ITGB1BP1: variants seen among roughly 807,000 people sequenced by gnomAD.
ITGB1BP1 encodes the protein integrin beta-1-binding protein 1.
In ITGB1BP1, 20 loss-of-function variants were observed where a neutral mutation model predicts 28.0. The ratio of observed to expected loss-of-function variants is 0.71; its 90% confidence interval spans 0.50 to 1.04. The LOEUF (loss-of-function observed/expected upper bound fraction) is 1.04. ITGB1BP1 is among the 50% of genes least tolerant of loss of function. ITGB1BP1 has a pLI of 0.00. For synonymous variants in ITGB1BP1, 103 were observed against 89.5 expected, an observed-to-expected ratio of 1.15 and a Z score of -0.85; for missense variants, 228 against 242.5, an observed-to-expected ratio of 0.94 and a Z score of 0.40.
rs1463035072 is a variant in ITGB1BP1, at chr2:9,423,440, G to T, written c.-103C>A. On this transcript the variant is annotated 5_prime_UTR_variant, in exon 1 of 7. Transcript: ENST00000355346. The stretch of plus-strand genomic sequence containing the variant: ...CCGCGTGGGAGTGCCGCGGCCTTTG[G>T]CGCCCAGGCAGCTACTCCCGTTCCC... 8.7e-7 allele frequency: 1 copy of T among 1,151,304 alleles called. No individual in the cohort carries two copies. Among genetic ancestry groups the T allele is most frequent in the East Asian group, 7.5e-5 (1 of 13,288 alleles). 71.3% of individuals were successfully genotyped at this position (1,151,304 alleles called of 1,614,324 possible).
At chr2:9,420,860 G>A (rs1251931331) in intron 1 of ITGB1BP1, among the ~76,000 whole-genome samples, 1 of 152,234 alleles carries the variant, frequency 6.6e-6, no homozygotes, top group Non-Finnish European at 1.5e-5. Context: ...TTTAAACGAT[G>A]ACCCTGGCTG....
chr2:9,420,037 C>A (rs187315793), intron 1 of ITGB1BP1: 1 of 982,652 alleles, frequency 1.0e-6, no homozygotes, highest in East Asian at 1.1e-4. Flanking sequence ...CCACATACAG[C>A]GGTCTGCACA....
Position 9,404,377 on chromosome 2 carries a change from T to A in ITGB1BP1, c.*2457A>T, listed in dbSNP as rs1677012741. On this transcript the variant is annotated 3_prime_UTR_variant, in exon 7 of 7. Coordinates refer to ENST00000355346, the MANE Select transcript of ITGB1BP1 (RefSeq NM_004763.5). ...ATATCAGAAATATATAGGTCCCAGG[T>A]AATACTCCCAAACATCCCACTTTTT... 6.6e-6 allele frequency: 1 copy of A among 152,254 alleles called. No homozygotes were observed. The highest frequency in any genetic ancestry group is 1.5e-5 in the Non-Finnish European group (1 of 68,054). 9.4% of individuals were successfully genotyped at this position (152,254 alleles called of 1,614,324 possible).
chr2:9,411,102 G>A (rs777415565), intron 4 of ITGB1BP1, among the ~76,000 whole-genome samples: 6 of 152,116 alleles, frequency 3.9e-5, no homozygotes, highest in Non-Finnish European at 8.8e-5. Flanking sequence ...ATTGGCAAGG[G>A]TACAGATTTT....
Position 9,403,541 on chromosome 2 carries a change from G to T in ITGB1BP1, c.*3293C>A. The T allele has an allele frequency of 2.0e-6, 1 of 512,556 alleles. No individual in the cohort carries two copies. 31.8% of individuals were successfully genotyped at this position (512,556 alleles called of 1,614,324 possible). On this transcript the variant is annotated 3_prime_UTR_variant, in exon 7 of 7. Transcript: ENST00000355346. ...ATGAAACATTGCTATGCATTTATTAGGAAAAACTGAATTTCCCAACAGGTG... is the reference window on the plus strand; with the variant it reads ...ATGAAACATTGCTATGCATTTATTATGAAAAACTGAATTTCCCAACAGGTG...
rs965864926 is a variant in ITGB1BP1, at chr2:9,423,458, C to A, written c.-121G>T. On this transcript the variant is annotated 5_prime_UTR_variant, in exon 1 of 7. Coordinates refer to ENST00000355346, the MANE Select transcript of ITGB1BP1 (RefSeq NM_004763.5). ...GCCTTTGGCGCCCAGGCAGCTACTCCCGTTCCCGCTCCAGCGCCGGCTTTT... is the reference window on the plus strand; with the variant it reads ...GCCTTTGGCGCCCAGGCAGCTACTCACGTTCCCGCTCCAGCGCCGGCTTTT... 8.5e-7 allele frequency: 1 copy of A among 1,170,510 alleles called. No homozygotes were observed. The highest frequency in any genetic ancestry group is 5.0e-5 in the Admixed American group (1 of 19,884). 72.5% of individuals were successfully genotyped at this position (1,170,510 alleles called of 1,614,324 possible).
chr2:9,403,576 G>T lies in ITGB1BP1; in HGVS notation c.*3258C>A. On this transcript the variant is annotated 3_prime_UTR_variant, in exon 7 of 7. Transcript: ENST00000355346. ...AATTTCCCAACAGGTGAACTGAAAA[G>T]TTATTTTAACTATTATACATAATCA... 2.0e-6 allele frequency: 1 copy of T among 490,636 alleles called. No homozygotes were observed. Among genetic ancestry groups the T allele is most frequent in the South Asian group, 2.9e-5 (1 of 33,958 alleles). 30.4% of individuals were successfully genotyped at this position (490,636 alleles called of 1,614,324 possible). A position where few individuals can be genotyped will look rare whatever the true frequency, so the allele number is the denominator to read the frequency against.
In ITGB1BP1 at chr2:9,418,675, C is replaced by T. The variant is rs1679439888; in HGVS notation, c.23G>A (p.Arg8Gln). MFRKGKK[R>Q]HSSSSSQSSE... ...ACTTTGGGAACTGCTACTACTGTGTCGTTTTTTGCCCTTGCGAAACATTTT... is the reference window on the plus strand; with the variant it reads ...ACTTTGGGAACTGCTACTACTGTGTTGTTTTTTGCCCTTGCGAAACATTTT... The change falls in exon 2 of 7, where the codon CGA (arginine) becomes CAA (glutamine). Residue 8 changes from arginine (R) to glutamine (Q), a missense_variant. By Grantham distance (43) the Arg-to-Gln change is conservative. Coordinates refer to ENST00000355346, the MANE Select transcript of ITGB1BP1 (RefSeq NM_004763.5). 3.1e-6 allele frequency: 5 copies of T among 1,613,810 alleles called. No individual in the cohort carries two copies. Among genetic ancestry groups the T allele is most frequent in the African/African-American group, 1.3e-5 (1 of 74,864 alleles).
At chr2:9,417,653 A>G (rs976515504) in intron 2 of ITGB1BP1, among the ~76,000 whole-genome samples, 1 of 152,110 alleles carries the variant, frequency 6.6e-6, no homozygotes, top group Non-Finnish European at 1.5e-5. Flanking sequence ...TCCTGACCTC[A>G]GGTGATCTGC....
At chr2:9,421,979 G>A (rs548176532) in intron 1 of ITGB1BP1, among the ~76,000 whole-genome samples, 1 of 152,032 alleles carries the variant, frequency 6.6e-6, no homozygotes, top group African/African-American at 2.4e-5. Flanking sequence ...CTCCACCAGG[G>A]CCCCCGTCAT....
At position 9,423,319 on chromosome 2, in the gene ITGB1BP1, C is replaced by A. The variant is rs1558444051; in HGVS notation, c.-36+54G>T. On this transcript the variant is annotated intron_variant, in intron 1 of 6. Coordinates refer to ENST00000355346, the MANE Select transcript of ITGB1BP1 (RefSeq NM_004763.5). ...TCCGCGCCGCTCTCGGGACCGTGTT[C>A]CCGTCAGGCCTCCGCGAGCTCGGCC... 4.9e-6 allele frequency: 6 copies of A among 1,221,458 alleles called. No homozygotes were observed. In the South Asian group the frequency reaches 5.4e-5, roughly 11 times the overall value. The allele number at this position is 1,221,458 out of a possible 1,614,324, so 75.7% of individuals were successfully genotyped here. A position where few individuals can be genotyped will look rare whatever the true frequency, so the allele number is the denominator to read the frequency against.
chr2:9,423,102 C>A (rs1680099018), intron 1 of ITGB1BP1: 3 of 1,013,788 alleles, frequency 3.0e-6, no homozygotes, highest in African/African-American at 3.5e-5. Context: ...AAACGGCCCG[C>A]GGCCGCCCGC....
At chr2:9,413,085 A>G (rs1229291507) in intron 3 of ITGB1BP1, among the ~76,000 whole-genome samples, 5 of 152,220 alleles carry the variant, frequency 3.3e-5, no homozygotes, top group South Asian at 4.1e-4. Flanking sequence ...AACCTCAACC[A>G]TATTAAGGAA....
In ITGB1BP1 at chr2:9,412,326, GGA is replaced by G; in HGVS notation, c.229_230del (p.Ser77ArgfsTer6). 2 of 1,612,254 alleles carry G rather than the reference GGA, an allele frequency of 1.2e-6. No individual in the cohort carries two copies. Among genetic ancestry groups the G allele is most frequent in the Non-Finnish European group, 1.7e-6 (2 of 1,178,800 alleles). On this transcript the variant is annotated frameshift_variant, in exon 4 of 7. Transcript: ENST00000355346. LOFTEE classifies it high-confidence loss of function. ...YVGAIEKLKL[S>X]EGKGLEGPLD... Reference sequence around the variant, plus strand: ...ATGGCCCTTCAAGGCCTTTTCCCTCGGAGAGTTTCAGTTTCTCAATGGCACCA... The same window carrying G: ...ATGGCCCTTCAAGGCCTTTTCCCTCGGAGTTTCAGTTTCTCAATGGCACCA...
At chr2:9,421,865 G>A (rs1177565164) in intron 1 of ITGB1BP1, among the ~76,000 whole-genome samples, 1 of 151,878 alleles carries the variant, frequency 6.6e-6, no homozygotes, top group African/African-American at 2.4e-5. Flanking sequence ...TATTGCTGGA[G>A]GAAGCCAGAA....
chr2:9,411,549 C>T (rs1678390467), intron 4 of ITGB1BP1, among the ~76,000 whole-genome samples: 1 of 151,760 alleles, frequency 6.6e-6, no homozygotes, highest in Admixed American at 6.6e-5. Flanking sequence ...CAGTGAAACC[C>T]CATCTCTACT....
intron 2 of ITGB1BP1, among the ~76,000 whole-genome samples, chr2:9,416,193 G>A (rs1679107694): frequency 1.3e-5 from 2 of 152,060 alleles, no homozygotes; most frequent in African/African-American, 4.8e-5. Context: ...CCTCATTTAT[G>A]CCTATTTGAC....
Position 9,406,896 on chromosome 2 carries a change from G to C in ITGB1BP1, c.541C>G (p.Gln181Glu), listed in dbSNP as rs762224004. 9 of 1,611,278 alleles carry C rather than the reference G, an allele frequency of 5.6e-6. No homozygotes were observed. In the Admixed American group the frequency reaches 1.5e-4, roughly 27 times the overall value. Residue 181 changes from glutamine (Q) to glutamate (E), a missense_variant, in exon 7 of 7, where the codon CAA (glutamine) becomes GAA (glutamate). Gln to Glu is a conservative substitution (Grantham distance 29, BLOSUM62 2). Around this residue, in one of 2 missense-constraint regions of ITGB1BP1, gnomAD observed 192 missense variants for 181.6 expected, o/e 1.06. Transcript: ENST00000355346. ...GTGGATAAAACCTTGCAAATGGCTT[G>C]TGCTTGTTCCTACATTACATGAAAG... is the stretch of plus-strand genomic sequence containing the variant. ...VYQCNSLEQA[Q>E]AICKVLSTAF...
At chr2:9,410,897 C>T (rs1427291729) in intron 4 of ITGB1BP1, among the ~76,000 whole-genome samples, 7 of 152,176 alleles carry the variant, frequency 4.6e-5, no homozygotes, top group African/African-American at 1.7e-4. Context: ...TTCATATTCT[C>T]ATTCTCTGTG....
Sources: gnomAD v4.1 joint callset for allele counts (sites outside exome capture counted in the v4.1 genomes callset) on GRCh38, gnomAD v4.1.1 for gene constraint, gnomAD v4.1.1 regional missense constraint, MANE v1.5 for transcripts, NCBI Gene and HGNC (gene_info 2026-07-23, HGNC 2026-07-21) for gene names.